Variants in NKAIN2 observed in about 807,000 individuals in gnomAD.
The protein encoded by NKAIN2 is sodium/potassium-transporting ATPase subunit beta-1-interacting protein 2.
NKAIN2 carries 14 observed loss-of-function variants against 32.6 expected under a neutral mutation model. That is an observed-to-expected ratio of 0.43 (90% CI 0.28 to 0.67). The LOEUF (loss-of-function observed/expected upper bound fraction) is 0.67. Ranked by LOEUF, NKAIN2 falls within the 30% of genes least tolerant of loss-of-function variation. The pLI, the probability that NKAIN2 is intolerant of heterozygous loss-of-function variation, is 0.17. For missense variants in NKAIN2, 198 were observed against 258.3 expected, an observed-to-expected ratio of 0.77 and a Z score of 1.60; for synonymous variants, 80 against 87.2, an observed-to-expected ratio of 0.92 and a Z score of 0.46.
chr6:124,812,980 C>T (rs1780971202), intron 5 of NKAIN2, among the ~76,000 whole-genome samples: 1 of 151,876 alleles, frequency 6.6e-6, no homozygotes, highest in South Asian at 2.1e-4. Flanking sequence ...TGAAATTACA[C>T]AGACAATATG....
intron 1 of NKAIN2, among the ~76,000 whole-genome samples, chr6:124,078,086 AAT>A (rs1434074211): frequency 1.3e-5 from 2 of 152,154 alleles, no homozygotes; most frequent in East Asian, 1.9e-4. Context: ...GTATTGTGGG[AAT>A]AAAGTATAGT....
chr6:124,622,306 T>C (rs1783135690), intron 3 of NKAIN2, among the ~76,000 whole-genome samples: 1 of 152,172 alleles, frequency 6.6e-6, no homozygotes, highest in South Asian at 2.1e-4. Flanking sequence ...AAAAATTCAG[T>C]GGGAGAGTTC....
At chr6:124,005,313 C>T (rs1383226643) in intron 1 of NKAIN2, among the ~76,000 whole-genome samples, 1 of 152,146 alleles carries the variant, frequency 6.6e-6, no homozygotes, top group Non-Finnish European at 1.5e-5. Flanking sequence ...TTCTTCCCTA[C>T]TTTTTTGTTA....
chr6:123,833,021 A>G (rs955327178), intron 1 of NKAIN2, among the ~76,000 whole-genome samples: 2 of 152,196 alleles, frequency 1.3e-5, no homozygotes, highest in African/African-American at 4.8e-5. Context: ...TCTAAAATAT[A>G]AATACCATAA....
At chr6:124,048,561 C>G (rs17086534) in intron 1 of NKAIN2, among the ~76,000 whole-genome samples, 2,075 of 152,074 alleles carry the variant, frequency 0.014, 48 homozygotes, top group African/African-American at 0.047. Context: ...AACATTCCTT[C>G]CTGACTGATC....
At chr6:124,033,652 G>A (rs914736357) in intron 1 of NKAIN2, among the ~76,000 whole-genome samples, 2 of 152,050 alleles carry the variant, frequency 1.3e-5, no homozygotes, top group South Asian at 2.1e-4. Flanking sequence ...CCCACTAAAC[G>A]AAAGAAAGGT....
intron 1 of NKAIN2, among the ~76,000 whole-genome samples, chr6:123,861,348 T>C (rs1775779944): frequency 6.6e-6 from 1 of 152,212 alleles, no homozygotes. Flanking sequence ...TAATATTATA[T>C]TGTCTGTGTG....
chr6:124,725,295 G>A (rs1776217268), intron 4 of NKAIN2, among the ~76,000 whole-genome samples: 1 of 152,018 alleles, frequency 6.6e-6, no homozygotes, highest in South Asian at 2.1e-4. Flanking sequence ...CTGGAGTGCA[G>A]TGTCATGATC....
chr6:124,621,543 C>T (rs1783106553), intron 3 of NKAIN2, among the ~76,000 whole-genome samples: 1 of 152,092 alleles, frequency 6.6e-6, no homozygotes, highest in Non-Finnish European at 1.5e-5. Context: ...AAAAGGAGAG[C>T]TAGGGTTTCT....
rs1319254116 is a variant in NKAIN2, at chr6:123,995,330, T to C, written c.54+191076T>C. On this transcript the variant is annotated intron_variant, in intron 1 of 6. Coordinates refer to ENST00000368417, the MANE Select transcript of NKAIN2 (RefSeq NM_001040214.3). The stretch of plus-strand genomic sequence containing the variant: ...CGAGAGAGAATAGTAACAGAGGACC[T>C]GGCCTTTACAGACAGATGGAATCCC... Among the ~76,000 whole-genome samples, 7 of 152,206 alleles carry C rather than the reference T, an allele frequency of 4.6e-5. No homozygotes were observed. In the South Asian group the frequency reaches 6.2e-4, roughly 14 times the overall value.
intron 3 of NKAIN2, among the ~76,000 whole-genome samples, chr6:124,540,595 C>T (rs1369461742): frequency 1.3e-5 from 2 of 152,186 alleles, no homozygotes; most frequent in Non-Finnish European, 2.9e-5. Context: ...CAAGTTACAT[C>T]ACCTCTGTAA....
intron 4 of NKAIN2, among the ~76,000 whole-genome samples, chr6:124,790,274 A>T (rs1779689560): frequency 6.6e-6 from 1 of 152,036 alleles, no homozygotes. Context: ...TTCCACTCAC[A>T]TCCTCCAGAA....
intron 1 of NKAIN2, among the ~76,000 whole-genome samples, chr6:123,991,582 G>C (rs770224164): frequency 3.9e-5 from 6 of 152,118 alleles, no homozygotes; most frequent in Non-Finnish European, 8.8e-5. Flanking sequence ...AATATTTTTG[G>C]CTGGGCACGG....
At chr6:124,032,909 T>C (rs1781465762) in intron 1 of NKAIN2, among the ~76,000 whole-genome samples, 1 of 152,104 alleles carries the variant, frequency 6.6e-6, no homozygotes, top group Admixed American at 6.6e-5. Flanking sequence ...CCTAATGTTC[T>C]GTTTTTATAT....
intron 1 of NKAIN2, among the ~76,000 whole-genome samples, chr6:124,122,781 C>A (rs77325914): frequency 6.6e-6 from 1 of 152,016 alleles, no homozygotes; most frequent in Non-Finnish European, 1.5e-5. Context: ...CTCTTTGCCC[C>A]TGGTTGAAGA....
intron 1 of NKAIN2, among the ~76,000 whole-genome samples, chr6:123,895,220 AAC>A (rs900144957): frequency 6.6e-6 from 1 of 151,152 alleles, no homozygotes; most frequent in African/African-American, 2.4e-5. Flanking sequence ...CACACACAAG[AAC>A]ACACACACAC....
chr6:124,207,620 G>T (rs1207039002), intron 1 of NKAIN2, among the ~76,000 whole-genome samples: 1 of 151,676 alleles, frequency 6.6e-6, no homozygotes, highest in Non-Finnish European at 1.5e-5. Context: ...GCACATAACT[G>T]CTCAACAAAT....
intron 1 of NKAIN2, among the ~76,000 whole-genome samples, chr6:124,252,722 G>A (rs775395345): frequency 6.6e-6 from 1 of 152,064 alleles, no homozygotes; most frequent in Non-Finnish European, 1.5e-5. Flanking sequence ...CTTCACTTCA[G>A]TGTGATGGTT....
intron 4 of NKAIN2, among the ~76,000 whole-genome samples, chr6:124,664,638 C>CA (rs1382552139): frequency 4.0e-5 from 6 of 149,386 alleles, no homozygotes; most frequent in African/African-American, 1.5e-4. Context: ...ACTAAAAATA[C>CA]AAAAAATTAG....
Sources: allele counts gnomAD v4.1 joint callset (sites outside exome capture counted in the v4.1 genomes callset), GRCh38; gene constraint gnomAD v4.1.1; transcripts MANE v1.5; gene names NCBI Gene and HGNC (gene_info 2026-07-23, HGNC 2026-07-21).